PRKD3: variants seen among roughly 807,000 people sequenced by gnomAD.
PRKD3 encodes serine/threonine-protein kinase D3.
PRKD3 carries 47 observed loss-of-function variants against 99.2 expected under a neutral mutation model. The observed-to-expected ratio is 0.47, with a 90% confidence interval of 0.38 to 0.60. The LOEUF is 0.60. PRKD3 is among the 20% of genes least tolerant of loss of function. The probability of loss-of-function intolerance (pLI) is 0.00; values close to 1 mark genes in which losing one functional copy is unlikely to be tolerated. For synonymous variants in PRKD3, 392 were observed against 355.4 expected (o/e 1.10, Z -1.16); for missense variants, 1,019 against 1,088.4 (o/e 0.94, Z 0.90).
At chr2:37,293,073 T>G (rs1281988686) in intron 3 of PRKD3, 60 bp downstream of exon 3, 2 of 1,444,624 alleles carry the variant, frequency 1.4e-6, no homozygotes, top group African/African-American at 2.8e-5. Flanking sequence ...CAGCATTTAG[T>G]ACAGAAAATT....
intron 6 of PRKD3, among the ~76,000 whole-genome samples, chr2:37,284,017 A>T (rs1669977100): frequency 6.6e-6 from 1 of 151,994 alleles, no homozygotes; most frequent in Admixed American, 6.6e-5. Context: ...GTTTTTATTA[A>T]TTTGCTTATG....
Position 37,255,053 on chromosome 2 carries a change from T to G in PRKD3, c.2414-764A>C, listed in dbSNP as rs566888519. Among the ~76,000 whole-genome samples, 37 of 152,362 alleles carry G rather than the reference T, an allele frequency of 2.4e-4. 1 individual carries two copies. Among genetic ancestry groups the G allele is most frequent in the South Asian group, 6.2e-4 (3 of 4,830 alleles). On this transcript the variant is annotated intron_variant, in intron 17 of 18. Coordinates refer to ENST00000234179, the MANE Select transcript of PRKD3 (RefSeq NM_005813.6). ...GACACGAACCAAATGGAAAGACTTGTACCATCCTAGTTCTATTTCTTGTCT... is the reference window on the plus strand; with the variant it reads ...GACACGAACCAAATGGAAAGACTTGGACCATCCTAGTTCTATTTCTTGTCT...
At chr2:37,263,587 A>C (rs942798394) in intron 14 of PRKD3, among the ~76,000 whole-genome samples, 11 of 151,958 alleles carry the variant, frequency 7.2e-5, no homozygotes, top group Non-Finnish European at 1.6e-4. Flanking sequence ...TATGATTTTC[A>C]CTCTTCCACT....
intron 14 of PRKD3, among the ~76,000 whole-genome samples, 172 bp downstream of exon 14, chr2:37,267,258 C>T (rs1250108032): frequency 6.6e-6 from 1 of 150,868 alleles, no homozygotes; most frequent in African/African-American, 2.4e-5. Context: ...ATTTTACTCA[C>T]GAAAATGTGT....
At position 37,253,248 on chromosome 2, in the gene PRKD3, T is replaced by C. The variant is rs757562032; in HGVS notation, c.2602A>G (p.Thr868Ala). The change falls in exon 19 of 19, where the codon ACA (threonine) becomes GCA (alanine). Residue 868 changes from threonine to alanine, a missense_variant. This residue lies in a region of PRKD3 where 125 missense variants were observed against 120.6 expected (regional missense o/e 1.04). Coordinates refer to ENST00000234179, the MANE Select transcript of PRKD3 (RefSeq NM_005813.6). ...TGCTTTGGGTATACAAGGTTATGTG[T>C]GTATGCATGTATTTCCCAGCGAGCA... ...DDARWEIHAY[T>A]HNLVYPKHFI... 1 of 1,612,624 alleles carries C rather than the reference T, an allele frequency of 6.2e-7. No individual in the cohort carries two copies. Among genetic ancestry groups the C allele is most frequent in the Non-Finnish European group, 8.5e-7 (1 of 1,178,754 alleles).
intron 2 of PRKD3, among the ~76,000 whole-genome samples, chr2:37,294,912 T>A (rs1054884635): frequency 1.4e-4 from 21 of 152,192 alleles, no homozygotes; most frequent in Admixed American, 3.3e-4. Flanking sequence ...CTGTCTCTGA[T>A]AAAAATACAA....
In PRKD3 at chr2:37,279,907, A is replaced by G; in HGVS notation, c.1011T>C (p.Asp337=). The G allele has an allele frequency of 6.2e-7, 1 of 1,608,488 alleles. No homozygotes were observed. The highest frequency in any genetic ancestry group is 8.5e-7 in the Non-Finnish European group (1 of 1,177,720). The change falls in exon 8 of 19, where the codon GAT becomes GAC. Residue 337 remains aspartate, a synonymous_variant. Transcript: ENST00000234179. ...FNGEPSSLGT[D]TDIPMDIDNN... is the part of the protein sequence containing the mutation. ...TGTCAATATCCATTGGTATATCTGT[A>G]TCTGTTCCCAGACTGGAAGGTTCTG...
intron 1 of PRKD3, among the ~76,000 whole-genome samples, chr2:37,322,612 T>G (rs563821548): frequency 3.5e-4 from 54 of 152,376 alleles, no homozygotes; most frequent in Non-Finnish European, 5.9e-4. Context: ...CTAAGAAATC[T>G]GATTGGTTAG....
At chr2:37,321,348 T>C (rs1404173002) in intron 1 of PRKD3, among the ~76,000 whole-genome samples, 1 of 152,190 alleles carries the variant, frequency 6.6e-6, no homozygotes, top group East Asian at 1.9e-4. Context: ...AGGATATTAA[T>C]GGCATCTTGA....
intron 13 of PRKD3, chr2:37,269,342 T>C (rs1018382917): frequency 5.0e-6 from 2 of 402,650 alleles, no homozygotes; most frequent in Non-Finnish European, 9.3e-6. Context: ...TCTCCCCCCC[T>C]GCCTCCGACA....
At chr2:37,324,300 G>C in intron 1 of PRKD3, 1 of 849,348 alleles carries the variant, frequency 1.2e-6, no homozygotes, top group Non-Finnish European at 1.4e-6. Flanking sequence ...GAACTAGTTT[G>C]GGAGACCCGG....
chr2:37,265,834 C>CTG (rs1485758701), intron 14 of PRKD3, among the ~76,000 whole-genome samples: 1 of 152,108 alleles, frequency 6.6e-6, no homozygotes, highest in East Asian at 1.9e-4. Flanking sequence ...GTTTTTCATA[C>CTG]TGTGCATTAC....
rs1326132852 is a variant in PRKD3 at position 37,251,445 on chromosome 2, A to G, written c.*1732T>C. On this transcript the variant is annotated 3_prime_UTR_variant, in exon 19 of 19. Coordinates refer to ENST00000234179, the MANE Select transcript of PRKD3 (RefSeq NM_005813.6). ...TATCTTTAAGATGAAGCTCATAATG[A>G]CTTAACACTATGGCTGCTGTGAGGG... The G allele has an allele frequency of 6.6e-6, 1 of 152,552 alleles. No individual in the cohort carries two copies. The highest frequency in any genetic ancestry group is 1.5e-5 in the Non-Finnish European group (1 of 68,014). The allele number at this position is 152,552 out of a possible 1,614,324, so 9.4% of individuals were successfully genotyped here.
At chr2:37,324,377 C>T (rs1011130037) in intron 1 of PRKD3, 3 of 235,656 alleles carry the variant, frequency 1.3e-5, no homozygotes, top group Non-Finnish European at 2.1e-5. Flanking sequence ...AGTTGCCCTC[C>T]GCGCGGACGC....
chr2:37,277,276 C>T (rs908120053), intron 9 of PRKD3, among the ~76,000 whole-genome samples: 1 of 152,076 alleles, frequency 6.6e-6, no homozygotes, highest in African/African-American at 2.4e-5. Context: ...CAATTTTACA[C>T]AAGGAAACAA....
intron 2 of PRKD3, among the ~76,000 whole-genome samples, chr2:37,300,190 T>C (rs1370178158): frequency 6.6e-6 from 1 of 152,116 alleles, no homozygotes; most frequent in African/African-American, 2.4e-5. Flanking sequence ...TATTCAGCCA[T>C]AAAAAGAATG....
Position 37,256,776 on chromosome 2 carries a change from A to G in PRKD3, c.2299T>C (p.Tyr767His). Residue 767 changes from tyrosine to histidine, a missense_variant, in exon 17 of 19, where the codon TAT becomes CAT. Physicochemically the swap from Tyr to His is moderately conservative, Grantham distance 83 (BLOSUM62 2). Transcript: ENST00000234179. ...GGAAATGTGCCACTGAGGCTCACAT[A>G]GATGATAACTCCCACTGACCACATA... ...LDMWSVGVIIYVSLSGTFPFN... is the reference protein window; with the variant it reads ...LDMWSVGVIIHVSLSGTFPFN... 1 of 1,613,842 alleles carries G rather than the reference A, an allele frequency of 6.2e-7. No individual in the cohort carries two copies. Among genetic ancestry groups the G allele is most frequent in the Non-Finnish European group, 8.5e-7 (1 of 1,179,996 alleles).
At chr2:37,255,958 G>A (rs1667901378) in intron 17 of PRKD3, among the ~76,000 whole-genome samples, 1 of 152,156 alleles carries the variant, frequency 6.6e-6, no homozygotes, top group Admixed American at 6.5e-5. Flanking sequence ...AGGCTGCAGT[G>A]AGCTGTGTTT....
Position 37,253,350 on chromosome 2 carries a change from C to G in PRKD3, c.2500G>C (p.Asp834His), listed in dbSNP as rs1475352117. 3 of 1,595,710 alleles carry G rather than the reference C, an allele frequency of 1.9e-6. No individual in the cohort carries two copies. Among genetic ancestry groups the G allele is most frequent in the Non-Finnish European group, 2.6e-6 (3 of 1,169,258 alleles). The change falls in exon 19 of 19, where the codon GAC (aspartate) becomes CAC (histidine). Residue 834 changes from aspartate to histidine, a missense_variant and splice_region_variant. Asp to His is a moderately conservative substitution (Grantham distance 81). Coordinates refer to ENST00000234179, the MANE Select transcript of PRKD3 (RefSeq NM_005813.6). ...CTAAGGTCAAGCCAAGTCTGATAGT[C>G]CTAGGAGAAAATGAAATTGTAATGA... is the stretch of plus-strand genomic sequence containing the variant. ...DKSLSHPWLQDYQTWLDLREF... is the reference protein window; with the variant it reads ...DKSLSHPWLQHYQTWLDLREF...
Sources: allele counts gnomAD v4.1 joint callset (sites outside exome capture counted in the v4.1 genomes callset), GRCh38; gene constraint gnomAD v4.1.1; regional missense constraint gnomAD v4.1.1; transcripts MANE v1.5; gene names NCBI Gene and HGNC (gene_info 2026-07-23, HGNC 2026-07-21).